SCAMP1: variants seen among roughly 807,000 people sequenced by gnomAD.
The protein encoded by SCAMP1 is secretory carrier membrane protein 1, also known as secretory carrier-associated membrane protein 1.
Under a neutral mutation model 41.8 loss-of-function variants are expected in SCAMP1, and 15 were observed. That is an observed-to-expected ratio of 0.36 (90% confidence interval 0.24 to 0.55). The LOEUF is 0.55. Among genes scored for constraint, SCAMP1 ranks in the 20% least tolerant of loss-of-function variants. The probability of loss-of-function intolerance (pLI) is 0.86; values close to 1 mark genes in which losing one functional copy is unlikely to be tolerated. For missense variants in SCAMP1, 341 were observed against 412.6 expected (o/e 0.83, Z 1.50); for synonymous variants, 135 against 136.8 (o/e 0.99, Z 0.09).
intron 6 of SCAMP1, among the ~76,000 whole-genome samples, chr5:78,424,887 A>ACTTT (rs1752428652): frequency 2.6e-5 from 4 of 152,212 alleles, no homozygotes; most frequent in Admixed American, 2.6e-4. Flanking sequence ...ACTGAGAAAG[A>ACTTT]GTATTTGCAT....
chr5:78,432,136 G>T (rs1020227647), intron 6 of SCAMP1, among the ~76,000 whole-genome samples: 7 of 151,646 alleles, frequency 4.6e-5, no homozygotes, highest in Non-Finnish European at 8.8e-5. Context: ...TACCCTTCCT[G>T]GCCTCTGGTC....
At chr5:78,368,981 C>T (rs138210677) in intron 1 of SCAMP1, among the ~76,000 whole-genome samples, 2 of 151,876 alleles carry the variant, frequency 1.3e-5, no homozygotes, top group African/African-American at 4.8e-5. Context: ...TGCAGAAATT[C>T]AAGCAGAAGT....
intron 8 of SCAMP1, among the ~76,000 whole-genome samples, chr5:78,461,143 A>T (rs1341338649): frequency 2.6e-5 from 4 of 152,104 alleles, no homozygotes; most frequent in African/African-American, 9.7e-5. Context: ...CACCACGCCC[A>T]GCCTGTTTAG....
intron 8 of SCAMP1, among the ~76,000 whole-genome samples, chr5:78,471,919 A>G (rs1419303941): frequency 2.0e-5 from 3 of 152,154 alleles, no homozygotes; most frequent in Non-Finnish European, 4.4e-5. Context: ...GCTAGAAAGT[A>G]GTGGAATTAG....
chr5:78,439,660 T>C (rs1469038830), intron 6 of SCAMP1, among the ~76,000 whole-genome samples: 2 of 152,218 alleles, frequency 1.3e-5, no homozygotes. Flanking sequence ...TTTTCCTTCA[T>C]TTCAGCCTTG....
chr5:78,385,059 C>T (rs537229750), intron 1 of SCAMP1, among the ~76,000 whole-genome samples: 1 of 152,272 alleles, frequency 6.6e-6, no homozygotes, highest in East Asian at 1.9e-4. Context: ...TGGAATTCAG[C>T]TGTGAATCCA....
intron 1 of SCAMP1, among the ~76,000 whole-genome samples, chr5:78,383,922 TTTGGTTCCA>T (rs1157634866): frequency 7.0e-4 from 106 of 152,276 alleles, no homozygotes; most frequent in Middle Eastern, 6.8e-3. Flanking sequence ...TGGGCTCCTT[TTTGGTTCCA>T]TATGAATTTC....
Position 78,449,993 on chromosome 5 carries a change from A to G in SCAMP1, c.693A>G (p.Val231=). The G allele has an allele frequency of 6.3e-7, 1 of 1,584,660 alleles. No individual in the cohort carries two copies. The highest frequency in any genetic ancestry group is 8.6e-7 in the Non-Finnish European group (1 of 1,169,534). The change falls in exon 7 of 9, where the codon GTA becomes GTG. Residue 231 remains valine (V), a synonymous_variant. Coordinates refer to ENST00000621999, the MANE Select transcript of SCAMP1 (RefSeq NM_004866.6). Reference sequence around the variant, plus strand: ...TCGTCTATATTTGTCAGTTTGCTGTACATGTACTCCAAGCTGCAGGATTTC... The same window carrying G: ...TCGTCTATATTTGTCAGTTTGCTGTGCATGTACTCCAAGCTGCAGGATTTC... ...FFFVYICQFA[V]HVLQAAGFHN... is the part of the protein sequence containing the mutation.
chr5:78,476,921 C>T lies in SCAMP1; in HGVS notation c.*1253C>T, dbSNP rs990530149. The stretch of plus-strand genomic sequence containing the variant: ...CACAGAACTTCATTCTTATAGTATT[C>T]TTGGGTTCAACCTTTGAATCAATTT... On this transcript the variant is annotated 3_prime_UTR_variant, in exon 9 of 9. Transcript: ENST00000621999. 2 of 152,026 alleles carry T rather than the reference C, an allele frequency of 1.3e-5. No homozygotes were observed. Among genetic ancestry groups the T allele is most frequent in the African/African-American group, 4.8e-5 (2 of 41,412 alleles). 9.4% of individuals were successfully genotyped at this position (152,026 alleles called of 1,614,324 possible).
intron 5 of SCAMP1, among the ~76,000 whole-genome samples, chr5:78,419,708 A>C (rs1033487571): frequency 5.3e-5 from 8 of 152,172 alleles, no homozygotes; most frequent in African/African-American, 1.4e-4. Flanking sequence ...GATGGAGGAA[A>C]TTTACTTGTT....
intron 1 of SCAMP1, among the ~76,000 whole-genome samples, chr5:78,364,435 T>A (rs1561246837): frequency 6.6e-6 from 1 of 152,032 alleles, no homozygotes; most frequent in African/African-American, 2.4e-5. Context: ...ATTTCACAGC[T>A]GGGGGGGCAA....
At chr5:78,434,513 C>G (rs906424944) in intron 6 of SCAMP1, among the ~76,000 whole-genome samples, 1 of 150,822 alleles carries the variant, frequency 6.6e-6, no homozygotes, top group African/African-American at 2.4e-5. Flanking sequence ...TGGTCCTCCT[C>G]TTCCTCCTCC....
intron 2 of SCAMP1, among the ~76,000 whole-genome samples, chr5:78,395,786 T>C (rs1751636193): frequency 6.6e-6 from 1 of 152,220 alleles, no homozygotes; most frequent in African/African-American, 2.4e-5. Context: ...TGGCCACCTA[T>C]TTTGGCAAGC....
At chr5:78,436,639 T>C (rs1752764194) in intron 6 of SCAMP1, among the ~76,000 whole-genome samples, 1 of 152,226 alleles carries the variant, frequency 6.6e-6, no homozygotes, top group South Asian at 2.1e-4. Flanking sequence ...TGTAGTATAG[T>C]TTGAACTCAG....
At chr5:78,407,695 A>G (rs949611839) in intron 2 of SCAMP1, among the ~76,000 whole-genome samples, 3 of 149,590 alleles carry the variant, frequency 2.0e-5, no homozygotes, top group Non-Finnish European at 4.4e-5. Context: ...ATGTCTTATA[A>G]TTTCTCATAT....
At chr5:78,453,134 T>A (rs2112215330) in intron 7 of SCAMP1, among the ~76,000 whole-genome samples, 1 of 151,254 alleles carries the variant, frequency 6.6e-6, no homozygotes, top group Admixed American at 6.6e-5. Flanking sequence ...ATTTTGTAGG[T>A]TGCCTGTTCA....
intron 8 of SCAMP1, among the ~76,000 whole-genome samples, chr5:78,469,474 C>CAA (rs749920453): frequency 5.9e-5 from 8 of 135,850 alleles, no homozygotes; most frequent in Non-Finnish European, 9.7e-5. Flanking sequence ...GTATATTCAC[C>CAA]AAAAAAAAAA....
chr5:78,423,280 T>C (rs774187130), intron 6 of SCAMP1, among the ~76,000 whole-genome samples: 1 of 152,136 alleles, frequency 6.6e-6, no homozygotes, highest in African/African-American at 2.4e-5. Context: ...TATGGGAGAT[T>C]GGTTGCCAAG....
At position 78,393,413 on chromosome 5, in the gene SCAMP1, C is replaced by CAGGA. The variant is rs200025391; in HGVS notation, c.135+4499_135+4500insAGGA. 8.8e-3 allele frequency among the ~76,000 whole-genome samples: 1,345 copies of CAGGA among 152,282 alleles called. 15 individuals are homozygous for CAGGA. The highest frequency in any genetic ancestry group is 0.03 in the African/African-American group (1,267 of 41,554). ...TCTCAAACTCCTGGCCTCAAGTGAT[C>CAGGA]CTCCTGCCTTGGCCACCCAAAGTGC... On this transcript the variant is annotated intron_variant, in intron 2 of 8. Coordinates refer to ENST00000621999, the MANE Select transcript of SCAMP1 (RefSeq NM_004866.6).
Sources: allele counts gnomAD v4.1 joint callset (sites outside exome capture counted in the v4.1 genomes callset), GRCh38; gene constraint gnomAD v4.1.1; transcripts MANE v1.5; gene names NCBI Gene and HGNC (gene_info 2026-07-23, HGNC 2026-07-21).